Variants in BRAF observed in about 807,000 individuals in gnomAD.
The protein encoded by BRAF is B-Raf proto-oncogene, serine/threonine kinase.
Under a neutral mutation model 104.6 loss-of-function variants are expected in BRAF, and 16 were observed. The ratio of observed to expected loss-of-function variants is 0.15; its 90% CI spans 0.10 to 0.23. The LOEUF is 0.23. Ranked by LOEUF, BRAF falls within the 10% of genes least tolerant of loss-of-function variation. The pLI is 1.00. For synonymous variants in BRAF, 310 were observed against 341.6 expected (o/e 0.91, Z 1.02); for missense variants, 541 against 937.3 (o/e 0.58, Z 5.52).
At chr7:140,874,627 C>T (rs1466468308) in intron 1 of BRAF, among the ~76,000 whole-genome samples, 3 of 151,056 alleles carry the variant, frequency 2.0e-5, no homozygotes, top group Middle Eastern at 3.5e-3. Flanking sequence ...ATGGTGGCAG[C>T]GGCAACAATA....
At position 140,754,941 on chromosome 7, in the gene BRAF, G is replaced by A. The variant is rs1005414181; in HGVS notation, c.1815-708C>T. Among the ~76,000 whole-genome samples, 12 of 152,114 alleles carry A rather than the reference G, an allele frequency of 7.9e-5. 1 individual carries two copies. Among genetic ancestry groups the A allele is most frequent in the African/African-American group, 1.4e-4 (6 of 41,416 alleles). ...ATAGTAGGTCTATTTTAAAGTCAAC[G>A]ATAACTTTAAAATCATCTATGTTAC... On this transcript the variant is annotated intron_variant, in intron 14 of 19. Coordinates refer to ENST00000644969, the MANE Select transcript of BRAF (RefSeq NM_001374258.1).
In BRAF at chr7:140,810,173, C is replaced by G. The variant is rs184810193; in HGVS notation, c.505-1178G>C. ...GGGGGTAAAGGTAAATATAAGACAGCTGAATTCAAATAATATATTGAAGGG... is the reference window on the plus strand; with the variant it reads ...GGGGGTAAAGGTAAATATAAGACAGGTGAATTCAAATAATATATTGAAGGG... On this transcript the variant is annotated intron_variant, in intron 3 of 19. Coordinates refer to ENST00000644969, the MANE Select transcript of BRAF (RefSeq NM_001374258.1). 9.8e-4 allele frequency among the ~76,000 whole-genome samples: 149 copies of G among 152,186 alleles called. 1 individual carries two copies. Among genetic ancestry groups the G allele is most frequent in the Middle Eastern group, 6.8e-3 (2 of 294 alleles).
Position 140,808,889 on chromosome 7 carries a change from T to G in BRAF, c.608+3A>C. On this transcript the variant is annotated splice_donor_region_variant and intron_variant, in intron 4 of 19. Transcript: ENST00000644969. ...AAAATTTCACGTCACATACAAACCATACCCATCCTGAATTCTGTAAACAGC... is the reference window on the plus strand; with the variant it reads ...AAAATTTCACGTCACATACAAACCAGACCCATCCTGAATTCTGTAAACAGC... The G allele has an allele frequency of 6.2e-7, 1 of 1,607,538 alleles. No homozygotes were observed. Among genetic ancestry groups the G allele is most frequent in the Non-Finnish European group, 8.5e-7 (1 of 1,175,824 alleles).
intron 3 of BRAF, 72 bp from the exon 4 acceptor site, chr7:140,809,067 T>G: frequency 7.9e-7 from 1 of 1,269,996 alleles, no homozygotes. Flanking sequence ...TTAAAAAAAT[T>G]TAGTAATTCA....
intron 7 of BRAF, 33 bp downstream of exon 7, chr7:140,800,329 G>A (rs2129043542): frequency 6.2e-7 from 1 of 1,613,790 alleles, no homozygotes; most frequent in Non-Finnish European, 8.5e-7. Context: ...GGTTCAAGTA[G>A]CATGTCGCCC....
intron 17 of BRAF, among the ~76,000 whole-genome samples, chr7:140,745,256 T>C (rs1226322700): frequency 3.3e-5 from 5 of 152,276 alleles, no homozygotes; most frequent in Middle Eastern, 3.4e-3. Context: ...TATTTAAACT[T>C]AAGATAAAAA....
At chr7:140,923,754 G>C (rs1451841866) in intron 1 of BRAF, among the ~76,000 whole-genome samples, 1 of 152,198 alleles carries the variant, frequency 6.6e-6, no homozygotes, top group East Asian at 1.9e-4. Flanking sequence ...TTAGGGAGTG[G>C]TGAGATCAAG....
At chr7:140,871,676 C>A (rs1429780305) in intron 1 of BRAF, among the ~76,000 whole-genome samples, 1 of 151,858 alleles carries the variant, frequency 6.6e-6, no homozygotes, top group Non-Finnish European at 1.5e-5. Context: ...TATTTTGAAG[C>A]CAAAAAGTAT....
At chr7:140,767,435 T>C (rs757386563) in intron 14 of BRAF, among the ~76,000 whole-genome samples, 2 of 152,126 alleles carry the variant, frequency 1.3e-5, no homozygotes, top group Admixed American at 6.5e-5. Flanking sequence ...AATGGAGGGA[T>C]TGGCTTTTAC....
At chr7:140,719,241 TC>T, downstream of BRAF, 1 of 490,270 alleles carries the variant, frequency 2.0e-6, no homozygotes, top group Non-Finnish European at 2.7e-6. Flanking sequence ...TGTACATTTC[TC>T]AGTCTCTCCA....
intron 18 of BRAF, among the ~76,000 whole-genome samples, chr7:140,735,523 A>G (rs1270395993): frequency 5.3e-5 from 8 of 151,950 alleles, no homozygotes; most frequent in Non-Finnish European, 1.0e-4. Context: ...CTTAGCAGCT[A>G]TTATTATTAC....
intron 3 of BRAF, among the ~76,000 whole-genome samples, chr7:140,830,544 G>A (rs1322467331): frequency 6.6e-6 from 1 of 152,084 alleles, no homozygotes; most frequent in Non-Finnish European, 1.5e-5. Context: ...TAGGTGGTAG[G>A]AGCATCTTTT....
In BRAF at chr7:140,924,575, A is replaced by C; in HGVS notation, c.129T>G (p.Ile43Met). ...AAASSAADPA[I>M]PEEVWNIKQM... Reference sequence around the variant, plus strand: ...TGGCGCCAGCACTCACCTCCTCCGGAATGGCAGGGTCCGCAGCCGAAGAGG... The same window carrying C: ...TGGCGCCAGCACTCACCTCCTCCGGCATGGCAGGGTCCGCAGCCGAAGAGG... The change falls in exon 1 of 20, where the codon ATT becomes ATG. Residue 43 changes from isoleucine to methionine, a missense_variant. Physicochemically the swap from Ile to Met is conservative, Grantham distance 10 (BLOSUM62 1). Around this residue, in one of 10 missense-constraint regions of BRAF, gnomAD observed 82 missense variants for 65.9 expected, o/e 1.24. Transcript: ENST00000644969. The surrounding 1 kb of genome is among the most constrained non-coding windows in gnomAD (Gnocchi z 4.2). 6.5e-7 allele frequency: 1 copy of C among 1,530,520 alleles called. No homozygotes were observed. Among genetic ancestry groups the C allele is most frequent in the Non-Finnish European group, 8.7e-7 (1 of 1,144,624 alleles). The allele number at this position is 1,530,520 out of a possible 1,614,324, so 94.8% of individuals were successfully genotyped here. A position where few individuals can be genotyped will look rare whatever the true frequency, so the allele number is the denominator to read the frequency against.
At chr7:140,842,815 T>C (rs952064136) in intron 2 of BRAF, among the ~76,000 whole-genome samples, 3 of 152,172 alleles carry the variant, frequency 2.0e-5, no homozygotes, top group Admixed American at 6.5e-5. Context: ...AGGGAATCAA[T>C]AGAATGTTAA....
intron 17 of BRAF, among the ~76,000 whole-genome samples, chr7:140,743,120 T>C (rs1251073107): frequency 1.3e-5 from 2 of 151,870 alleles, no homozygotes; most frequent in South Asian, 2.1e-4. Context: ...TTTACACTGT[T>C]GGTGGGACTG....
rs116735393 is a variant in BRAF at position 140,908,063 on chromosome 7, G to A, written c.138+16503C>T. On this transcript the variant is annotated intron_variant, in intron 1 of 19. Coordinates refer to ENST00000644969, the MANE Select transcript of BRAF (RefSeq NM_001374258.1). ...CCTGGCCCTAAGTCACTTTATAAGA[G>A]TCTTTTGTTCTTCAAGTTTGTCTCC... Among the ~76,000 whole-genome samples, 1,050 of 152,272 alleles carry A rather than the reference G, an allele frequency of 6.9e-3. 10 individuals are homozygous for A. The highest frequency in any genetic ancestry group is 0.023 in the African/African-American group (958 of 41,538).
downstream of BRAF, chr7:140,719,268 G>A (rs1325301971): frequency 2.7e-6 from 2 of 744,802 alleles, no homozygotes; most frequent in African/African-American, 3.8e-5. Context: ...TAGAAAAACT[G>A]TTAAAACTGC....
chr7:140,722,593 A>G lies in BRAF; in HGVS notation c.*3901T>C. ...TAATGGTTGGAATCTGCTCGTCTCA[A>G]GGTGCTGGTATTCCTAGCACTAACA... On this transcript the variant is annotated 3_prime_UTR_variant, in exon 20 of 20. Transcript: ENST00000644969. 1 of 1,055,108 alleles carries G rather than the reference A, an allele frequency of 9.5e-7. No homozygotes were observed. The highest frequency in any genetic ancestry group is 1.1e-6 in the Non-Finnish European group (1 of 872,874). 65.4% of individuals were successfully genotyped at this position (1,055,108 alleles called of 1,614,324 possible). A position where few individuals can be genotyped will look rare whatever the true frequency, so the allele number is the denominator to read the frequency against.
Position 140,757,343 on chromosome 7 carries a change from G to C in BRAF, c.1815-3110C>G, listed in dbSNP as rs1798285585. On this transcript the variant is annotated intron_variant, in intron 14 of 19. Transcript: ENST00000644969. ...TCTCACTCTGTCACCAGCCTGGAGTGCGGTGGTGCGATATCGGCTCACTGC... is the reference window on the plus strand; with the variant it reads ...TCTCACTCTGTCACCAGCCTGGAGTCCGGTGGTGCGATATCGGCTCACTGC... 2.0e-5 allele frequency among the ~76,000 whole-genome samples: 3 copies of C among 151,970 alleles called. No homozygotes were observed. The South Asian group carries it at 6.2e-4, about 31-fold the overall frequency.
Sources: allele counts gnomAD v4.1 joint callset (sites outside exome capture counted in the v4.1 genomes callset), GRCh38; gene constraint gnomAD v4.1.1; regional missense constraint gnomAD v4.1.1; non-coding constraint Gnocchi (gnomAD v3.1); transcripts MANE v1.5; gene names NCBI Gene and HGNC (gene_info 2026-07-23, HGNC 2026-07-21).